Variants in MCTP1 observed in about 807,000 individuals in gnomAD.
MCTP1 encodes multiple C2 and transmembrane domain-containing protein 1.
MCTP1 carries 69 observed loss-of-function variants against 120.6 expected under a neutral mutation model. That is an observed-to-expected ratio of 0.57 (90% CI 0.47 to 0.70). The LOEUF is 0.70. Ranked by LOEUF, MCTP1 falls within the 30% of genes least tolerant of loss-of-function variation. The pLI, the probability that MCTP1 is intolerant of heterozygous loss-of-function variation, is 0.00. For missense variants in MCTP1, 1,203 were observed against 1,248.8 expected, an observed-to-expected ratio of 0.96 and a Z score of 0.55; for synonymous variants, 529 against 493.1, an observed-to-expected ratio of 1.07 and a Z score of -0.96.
Position 95,284,546 on chromosome 5 carries a change from C to T in MCTP1, c.30G>A (p.Glu10=), listed in dbSNP as rs1415539817. Residue 10 remains glutamate, a synonymous_variant, in exon 1 of 23, where the codon GAG becomes GAA. Coordinates refer to ENST00000515393, the MANE Select transcript of MCTP1 (RefSeq NM_024717.7). The surrounding 1 kb of genome is among the most constrained non-coding windows in gnomAD (Gnocchi z 5.2). Reference sequence around the variant, plus strand: ...AGGAGGACGCCGCCGGCGGCTCTGGCTCGCCCGCCGCGGCAGCCCGGGGCT... The same window carrying T: ...AGGAGGACGCCGCCGGCGGCTCTGGTTCGCCCGCCGCGGCAGCCCGGGGCT... MEPRAAAAG[E]PEPPAASSSF... is the part of the protein sequence containing the mutation. The T allele has an allele frequency of 1.4e-6, 2 of 1,460,374 alleles. No individual in the cohort carries two copies. The highest frequency in any genetic ancestry group is 5.6e-5 in the East Asian group (2 of 35,510). 90.5% of individuals were successfully genotyped at this position (1,460,374 alleles called of 1,614,324 possible).
intron 1 of MCTP1, among the ~76,000 whole-genome samples, chr5:95,167,419 T>C (rs1193276591): frequency 2.6e-5 from 4 of 152,250 alleles, no homozygotes; most frequent in Non-Finnish European, 5.9e-5. Context: ...TTTGGGTATA[T>C]ACCCAGTAAT....
chr5:94,805,523 G>A (rs1302001712), intron 17 of MCTP1, among the ~76,000 whole-genome samples: 2 of 152,126 alleles, frequency 1.3e-5, no homozygotes, highest in Non-Finnish European at 2.9e-5. Context: ...AGCTACTCAG[G>A]AGGTTGAGGC....
In MCTP1 at chr5:94,788,704, G is replaced by C. The variant is rs550071293; in HGVS notation, c.2557-9541C>G. ...TCCCTCCCTCCCCATGTTTAGAATA[G>C]TTTGGCTCTCTGCCAAGAGGAGAGT... is the stretch of plus-strand genomic sequence containing the variant. On this transcript the variant is annotated intron_variant, in intron 18 of 22. Coordinates refer to ENST00000515393, the MANE Select transcript of MCTP1 (RefSeq NM_024717.7). 3.5e-4 allele frequency: 51 copies of C among 145,918 alleles called. 1 individual carries two copies. Among genetic ancestry groups the C allele is most frequent in the African/African-American group, 9.4e-4 (38 of 40,418 alleles). The allele number at this position is 145,918 out of a possible 1,614,324, so 9.0% of individuals were successfully genotyped here.
chr5:95,225,173 T>C (rs1392958199), intron 1 of MCTP1, among the ~76,000 whole-genome samples: 1 of 152,200 alleles, frequency 6.6e-6, no homozygotes, highest in African/African-American at 2.4e-5. Context: ...CTCTTACATG[T>C]TAATGTTTCC....
intron 1 of MCTP1, among the ~76,000 whole-genome samples, chr5:95,266,607 T>C (rs1430562352): frequency 6.6e-6 from 1 of 152,180 alleles, no homozygotes; most frequent in East Asian, 1.9e-4. Flanking sequence ...AAAGAATACA[T>C]AGGTTCTTGA....
intron 17 of MCTP1, among the ~76,000 whole-genome samples, chr5:94,801,306 C>T (rs1476070580): frequency 6.6e-6 from 1 of 152,192 alleles, no homozygotes; most frequent in Admixed American, 6.5e-5. Context: ...GTTCCCCAAT[C>T]ATTCTACAGA....
rs553524210 is a variant in MCTP1 at position 94,894,796 on chromosome 5, C to T, written c.1692G>A (p.Thr564=). 14 of 1,610,550 alleles carry T rather than the reference C, an allele frequency of 8.7e-6. No homozygotes were observed. The highest frequency in any genetic ancestry group is 4.4e-5 in the South Asian group (4 of 90,728). ...VDLSALSREQ[T]HKLELQLEEG... ...CTTCCAGCTGCAACTCCAGCTTGTG[C>T]GTCTGTTCCCTACTGAGGGCTGACA... Residue 564 remains threonine (T), a synonymous_variant, in exon 11 of 23, where the codon ACG becomes ACA. Coordinates refer to ENST00000515393, the MANE Select transcript of MCTP1 (RefSeq NM_024717.7).
intron 1 of MCTP1, among the ~76,000 whole-genome samples, chr5:95,221,778 C>G (rs1753726529): frequency 6.6e-6 from 1 of 152,122 alleles, no homozygotes; most frequent in Non-Finnish European, 1.5e-5. Context: ...TGGGTTTTCT[C>G]TTTTTTCAGG....
At chr5:94,729,948 C>T (rs1363793585) in intron 19 of MCTP1, among the ~76,000 whole-genome samples, 1 of 152,142 alleles carries the variant, frequency 6.6e-6, no homozygotes, top group African/African-American at 2.4e-5. Context: ...TTTTAAAATA[C>T]CACTTAGGTA....
chr5:95,264,188 C>T (rs1758700188), intron 1 of MCTP1, among the ~76,000 whole-genome samples: 1 of 152,196 alleles, frequency 6.6e-6, no homozygotes, highest in South Asian at 2.1e-4. Context: ...GTATCTACCT[C>T]TCTAAAGTAT....
At chr5:94,997,770 T>G (rs547293426) in intron 2 of MCTP1, among the ~76,000 whole-genome samples, 1 of 152,302 alleles carries the variant, frequency 6.6e-6, no homozygotes, top group South Asian at 2.1e-4. Context: ...TATGTATTTT[T>G]TCAATACATA....
At chr5:94,983,033 G>A (rs1314873965) in intron 2 of MCTP1, among the ~76,000 whole-genome samples, 1 of 151,852 alleles carries the variant, frequency 6.6e-6, no homozygotes, top group African/African-American at 2.4e-5. Context: ...TGCTACTGCT[G>A]TCTTGAAAAT....
intron 17 of MCTP1, among the ~76,000 whole-genome samples, chr5:94,854,917 G>A (rs890928847): frequency 6.6e-6 from 1 of 151,840 alleles, no homozygotes; most frequent in Non-Finnish European, 1.5e-5. Context: ...ATCTCATGTA[G>A]AGACTTGAAT....
chr5:95,190,931 A>G (rs1749758513), intron 1 of MCTP1, among the ~76,000 whole-genome samples: 2 of 152,004 alleles, frequency 1.3e-5, no homozygotes, highest in South Asian at 4.1e-4. Flanking sequence ...AAATTAACCT[A>G]TATATTTGGT....
At chr5:95,006,291 A>G (rs1224814387) in intron 2 of MCTP1, among the ~76,000 whole-genome samples, 1 of 151,528 alleles carries the variant, frequency 6.6e-6, no homozygotes, top group Admixed American at 6.6e-5. Context: ...ATATATATGT[A>G]TGTGTATATA....
At chr5:94,729,683 T>C (rs1397035309) in intron 19 of MCTP1, among the ~76,000 whole-genome samples, 3 of 152,178 alleles carry the variant, frequency 2.0e-5, no homozygotes, top group African/African-American at 7.2e-5. Flanking sequence ...GTGCACGTAG[T>C]ACAAATGTGC....
intron 2 of MCTP1, among the ~76,000 whole-genome samples, chr5:94,957,367 G>A (rs879869510): frequency 6.6e-6 from 1 of 152,018 alleles, no homozygotes; most frequent in Non-Finnish European, 1.5e-5. Flanking sequence ...ACTAATGGGC[G>A]AAATAACCAG....
intron 1 of MCTP1, among the ~76,000 whole-genome samples, chr5:95,022,715 A>G (rs541981626): frequency 4.8e-4 from 73 of 152,216 alleles, no homozygotes; most frequent in Non-Finnish European, 9.0e-4. Flanking sequence ...CTGCTTTGGC[A>G]CCCTGTTTGA....
chr5:95,025,666 A>G (rs547460214), intron 1 of MCTP1, among the ~76,000 whole-genome samples: 2 of 152,272 alleles, frequency 1.3e-5, no homozygotes, highest in East Asian at 3.9e-4. Context: ...AACTGGAGTC[A>G]TTACCATACA....
Sources: allele counts gnomAD v4.1 joint callset (sites outside exome capture counted in the v4.1 genomes callset), GRCh38; gene constraint gnomAD v4.1.1; non-coding constraint Gnocchi (gnomAD v3.1); transcripts MANE v1.5; gene names NCBI Gene and HGNC (gene_info 2026-07-23, HGNC 2026-07-21).